The following CHRNA3 variants were observed in gnomAD, a reference collection of about 807,000 sequenced individuals.
The protein encoded by CHRNA3 is cholinergic receptor nicotinic alpha 3 subunit, also known as neuronal acetylcholine receptor subunit alpha-3.
In CHRNA3, 34 loss-of-function variants were observed where a neutral mutation model predicts 41.9. The observed-to-expected ratio is 0.81, with a 90% CI of 0.62 to 1.08. The LOEUF (loss-of-function observed/expected upper bound fraction) is 1.08, where lower values mean the gene tolerates loss of function less well. Among genes scored for constraint, CHRNA3 ranks in the 50% least tolerant of loss-of-function variants. The pLI is 0.00. For synonymous variants in CHRNA3, 281 were observed against 265.2 expected (o/e 1.06, Z -0.58); for missense variants, 542 against 638.3 (o/e 0.85, Z 1.63).
At chr15:78,616,759 A>G (rs1288615962) in intron 4 of CHRNA3, among the ~76,000 whole-genome samples, 5 of 152,186 alleles carry the variant, frequency 3.3e-5, no homozygotes, top group Non-Finnish European at 5.9e-5. Flanking sequence ...TCAAATGCCA[A>G]TTCTTCCTTG....
intron 4 of CHRNA3, among the ~76,000 whole-genome samples, chr15:78,614,959 G>C (rs866655422): frequency 2.0e-5 from 3 of 152,180 alleles, no homozygotes; most frequent in African/African-American, 7.2e-5. Context: ...TTGCAAGAGA[G>C]AAAGAGGAGA....
intron 4 of CHRNA3, among the ~76,000 whole-genome samples, chr15:78,614,830 T>C (rs1348952195): frequency 6.6e-6 from 1 of 152,222 alleles, no homozygotes; most frequent in Non-Finnish European, 1.5e-5. Context: ...CTAAAATTTA[T>C]GTCAGTCCAA....
At chr15:78,611,517 A>G (rs1041642340) in intron 4 of CHRNA3, among the ~76,000 whole-genome samples, 2 of 152,094 alleles carry the variant, frequency 1.3e-5, no homozygotes, top group African/African-American at 4.8e-5. Flanking sequence ...ACAAAATTCA[A>G]CAACCCTTCA....
At chr15:78,616,491 G>A (rs2053464318) in intron 4 of CHRNA3, among the ~76,000 whole-genome samples, 1 of 152,040 alleles carries the variant, frequency 6.6e-6, no homozygotes, top group South Asian at 2.1e-4. Context: ...ACAAGGTGAG[G>A]AGGGACCGTT....
At chr15:78,616,495 G>T (rs2141344267) in intron 4 of CHRNA3, among the ~76,000 whole-genome samples, 1 of 152,172 alleles carries the variant, frequency 6.6e-6, no homozygotes, top group South Asian at 2.1e-4. Flanking sequence ...GGTGAGGAGG[G>T]ACCGTTTACT....
chr15:78,614,639 C>G (rs758318837), intron 4 of CHRNA3, among the ~76,000 whole-genome samples: 4 of 152,108 alleles, frequency 2.6e-5, no homozygotes, highest in African/African-American at 9.7e-5. Flanking sequence ...GCATAAAAAC[C>G]TAGAAGTATT....
rs1361502231 is a variant in CHRNA3 at position 78,618,910 on chromosome 15, T to C, written c.88A>G (p.Arg30Gly). 1.2e-6 allele frequency: 2 copies of C among 1,613,162 alleles called. No individual in the cohort carries two copies. Among genetic ancestry groups the C allele is most frequent in the African/African-American group, 1.3e-5 (1 of 74,918 alleles). The part of the protein sequence containing the change: ...LLLLSLLPVA[R>G]ASEAEHRLFE... ...AGACGGTGCTCAGCCTCTGAGGCCC[T>C]GGCCACTGTGGGAAGCAGCCCTGTC... Residue 30 changes from arginine (R) to glycine (G), a missense_variant, in exon 2 of 6, where the codon AGG becomes GGG. Arg to Gly is a moderately radical substitution (Grantham distance 125, BLOSUM62 -2). Coordinates refer to ENST00000326828, the MANE Select transcript of CHRNA3 (RefSeq NM_000743.5).
intron 4 of CHRNA3, among the ~76,000 whole-genome samples, chr15:78,607,949 A>G (rs1391626879): frequency 6.6e-6 from 1 of 152,216 alleles, no homozygotes; most frequent in Non-Finnish European, 1.5e-5. Context: ...AGGGTCCTAC[A>G]CACACGGAGT....
At chr15:78,620,442 T>A (rs1167480584) in intron 1 of CHRNA3, among the ~76,000 whole-genome samples, 1 of 150,162 alleles carries the variant, frequency 6.7e-6, no homozygotes, top group Non-Finnish European at 1.5e-5. Context: ...GGACCCGGTC[T>A]CGACCTCCCC....
chr15:78,598,051 T>A (rs2053140125), intron 5 of CHRNA3, among the ~76,000 whole-genome samples: 1 of 152,126 alleles, frequency 6.6e-6, no homozygotes, highest in African/African-American at 2.4e-5. Flanking sequence ...ACCCACCCCC[T>A]ACCAGCCACC....
chr15:78,599,075 G>C (rs2141322009), intron 5 of CHRNA3, among the ~76,000 whole-genome samples: 1 of 152,054 alleles, frequency 6.6e-6, no homozygotes, highest in Admixed American at 6.5e-5. Context: ...CCCAACCTCA[G>C]GTGATCCACC....
chr15:78,618,302 C>CA, intron 3 of CHRNA3: 1 of 344,044 alleles, frequency 2.9e-6, no homozygotes. Flanking sequence ...CAGGCACCAC[C>CA]CCAGGGTTTG....
intron 4 of CHRNA3, among the ~76,000 whole-genome samples, chr15:78,611,374 G>A: frequency 6.6e-6 from 1 of 151,556 alleles, no homozygotes; most frequent in Non-Finnish European, 1.5e-5. Context: ...TATCCACCAT[G>A]ATCAAGTGGG....
Position 78,601,379 on chromosome 15 carries a change from T to C in CHRNA3, c.1263A>G (p.Arg421=), listed in dbSNP as rs202038335. ...KISNFSANLT[R]SSSSESVDAV... ...CATCAACAGATTCAGAACTAGAGCTTCTCGTGAGGTTAGCACTGAAATTGG... is the reference window on the plus strand; with the variant it reads ...CATCAACAGATTCAGAACTAGAGCTCCTCGTGAGGTTAGCACTGAAATTGG... The change falls in exon 5 of 6, where the codon AGA becomes AGG. Residue 421 remains arginine (R), a synonymous_variant. Coordinates refer to ENST00000326828, the MANE Select transcript of CHRNA3 (RefSeq NM_000743.5). 6.2e-7 allele frequency: 1 copy of C among 1,614,026 alleles called. No individual in the cohort carries two copies. The highest frequency in any genetic ancestry group is 8.5e-7 in the Non-Finnish European group (1 of 1,180,040).
chr15:78,607,625 A>G (rs2053312309), intron 4 of CHRNA3: 1 of 152,480 alleles, frequency 6.6e-6, no homozygotes, highest in African/African-American at 2.4e-5. Flanking sequence ...GCTCCGGTCT[A>G]CAGCTCCCAG....
intron 2 of CHRNA3, 54 bp downstream of exon 2, chr15:78,618,722 C>T: frequency 6.2e-7 from 1 of 1,614,156 alleles, no homozygotes; most frequent in Non-Finnish European, 8.5e-7. Flanking sequence ...CTGGGAAAGG[C>T]TCCTCCAGAA....
At chr15:78,619,866 T>A (rs1459424748) in intron 1 of CHRNA3, 1 of 152,212 alleles carries the variant, frequency 6.6e-6, no homozygotes, top group African/African-American at 2.4e-5. Context: ...CTCCCCACTC[T>A]CCTTCCCCAG....
In CHRNA3 at chr15:78,601,972, A is replaced by T. The variant is rs770056747; in HGVS notation, c.670T>A (p.Cys224Ser). 6.2e-7 allele frequency: 1 copy of T among 1,611,014 alleles called. No homozygotes were observed. Among genetic ancestry groups the T allele is most frequent in the Admixed American group, 1.7e-5 (1 of 59,796 alleles). ...GTGATGTCGGGGTAGATCTCCTCGC[A>T]GCAGTTGTACTTGATGTCGTGTTTG... ...GYKHDIKYNC[C>S]EEIYPDITYS... is the part of the protein sequence containing the mutation. Residue 224 changes from cysteine (C) to serine (S), a missense_variant, in exon 5 of 6, where the codon TGC (cysteine) becomes AGC (serine). Cys to Ser is a moderately radical substitution (Grantham distance 112, BLOSUM62 -1). Transcript: ENST00000326828.
At chr15:78,599,431 G>T (rs547176834) in intron 5 of CHRNA3, among the ~76,000 whole-genome samples, 9 of 152,010 alleles carry the variant, frequency 5.9e-5, no homozygotes, top group Non-Finnish European at 1.0e-4. Context: ...GGAAGGTGTG[G>T]CCAGAGACTG....
Sources: allele counts gnomAD v4.1 joint callset (sites outside exome capture counted in the v4.1 genomes callset), GRCh38; gene constraint gnomAD v4.1.1; transcripts MANE v1.5; gene names NCBI Gene and HGNC (gene_info 2026-07-23, HGNC 2026-07-21).